Variants in EPHA4 observed in about 807,000 individuals in gnomAD.
EPHA4 encodes the protein ephrin type-A receptor 4.
Under a neutral mutation model 108.3 loss-of-function variants are expected in EPHA4, and 19 were observed. The ratio of observed to expected loss-of-function variants is 0.18; its 90% CI spans 0.12 to 0.26. EPHA4 has a LOEUF of 0.26. Ranked by LOEUF, EPHA4 falls within the 10% of genes least tolerant of loss-of-function variation. The probability of loss-of-function intolerance (pLI) is 1.00; values close to 1 mark genes in which losing one functional copy is unlikely to be tolerated. For missense variants in EPHA4, 917 were observed against 1,254.0 expected (o/e 0.73, Z 4.06); for synonymous variants, 449 against 455.5 (o/e 0.99, Z 0.18).
rs573258397 is a variant in EPHA4, at chr2:221,448,119, G to A, written c.1716-1938C>T. On this transcript the variant is annotated intron_variant, in intron 8 of 17. Coordinates refer to ENST00000281821, the MANE Select transcript of EPHA4 (RefSeq NM_004438.5). The stretch of plus-strand genomic sequence containing the variant: ...GGCCTCCCAAAGTGCTGGGATTATA[G>A]GCATGAACCACCGCACCCAGCCAGA... Among the ~76,000 whole-genome samples the A allele has an allele frequency of 5.9e-5, 9 of 152,166 alleles. No individual in the cohort carries two copies. In the South Asian group the frequency reaches 1.9e-3, roughly 32 times the overall value.
In EPHA4 at chr2:221,420,072, G is replaced by A. The variant is rs1689707453; in HGVS notation, c.*1300C>T. The A allele has an allele frequency of 6.6e-6, 1 of 152,562 alleles. No individual in the cohort carries two copies. 9.5% of individuals were successfully genotyped at this position (152,562 alleles called of 1,614,324 possible). A position where few individuals can be genotyped will look rare whatever the true frequency, so the allele number is the denominator to read the frequency against. On this transcript the variant is annotated 3_prime_UTR_variant, in exon 18 of 18. Transcript: ENST00000281821. ...TGCAATGGCACACCCTGGGTAAAAT[G>A]TTACTTCCGCAATGCATATCATAGG...
intron 4 of EPHA4, among the ~76,000 whole-genome samples, chr2:221,495,498 T>C (rs559081622): frequency 2.0e-5 from 3 of 152,322 alleles, no homozygotes; most frequent in Admixed American, 1.3e-4. Context: ...TTTTTGTGCA[T>C]GTGGATGTTT....
chr2:221,512,315 A>G (rs994885757), intron 3 of EPHA4, among the ~76,000 whole-genome samples: 1 of 152,218 alleles, frequency 6.6e-6, no homozygotes, highest in Non-Finnish European at 1.5e-5. Context: ...CATATTTTGT[A>G]AGAAAACCCC....
At chr2:221,426,347 T>C in intron 16 of EPHA4, 117 bp downstream of exon 16, 1 of 1,259,860 alleles carries the variant, frequency 7.9e-7, no homozygotes, top group Non-Finnish European at 1.1e-6. Context: ...TCAATCAAAA[T>C]GAGAGGCATT....
At chr2:221,436,704 T>G in intron 12 of EPHA4, 96 bp from the exon 13 acceptor site, 1 of 1,241,466 alleles carries the variant, frequency 8.1e-7, no homozygotes, top group East Asian at 2.4e-5. Context: ...GGTATCTGTA[T>G]CCGGTATGCA....
At chr2:221,533,869 G>A (rs1057324892) in intron 3 of EPHA4, among the ~76,000 whole-genome samples, 2 of 151,960 alleles carry the variant, frequency 1.3e-5, no homozygotes, top group African/African-American at 4.8e-5. Context: ...CCATTGACAG[G>A]CAGACTCTTT....
chr2:221,521,912 C>T (rs530436172), intron 3 of EPHA4, among the ~76,000 whole-genome samples: 37 of 152,110 alleles, frequency 2.4e-4, no homozygotes, highest in South Asian at 1.5e-3. Flanking sequence ...AGGTGGCAGA[C>T]GTTGCAGTGA....
intron 3 of EPHA4, among the ~76,000 whole-genome samples, chr2:221,527,390 A>G (rs1382533072): frequency 6.6e-6 from 1 of 152,208 alleles, no homozygotes; most frequent in Non-Finnish European, 1.5e-5. Flanking sequence ...AGAAAACTAA[A>G]GAGGTAGCTG....
At chr2:221,429,791 G>A (rs1690017099) in intron 15 of EPHA4, among the ~76,000 whole-genome samples, 167 bp downstream of exon 15, 1 of 152,064 alleles carries the variant, frequency 6.6e-6, no homozygotes, top group African/African-American at 2.4e-5. Flanking sequence ...TCAAAATGCT[G>A]AATAGAACTA....
chr2:221,447,910 C>T (rs1445716633), intron 8 of EPHA4, among the ~76,000 whole-genome samples: 1 of 151,742 alleles, frequency 6.6e-6, no homozygotes, highest in South Asian at 2.1e-4. Flanking sequence ...GCTATGATCT[C>T]AGCTCACTGC....
intron 3 of EPHA4, among the ~76,000 whole-genome samples, chr2:221,508,265 G>C (rs1229045768): frequency 6.6e-6 from 1 of 152,204 alleles, no homozygotes; most frequent in East Asian, 1.9e-4. Context: ...TTGGAGTGGG[G>C]AGAGGGCATG....
intron 8 of EPHA4, among the ~76,000 whole-genome samples, chr2:221,449,924 C>T (rs1212015448): frequency 6.6e-6 from 1 of 152,222 alleles, no homozygotes; most frequent in Non-Finnish European, 1.5e-5. Flanking sequence ...ACGGCATCAC[C>T]CATGAAGATT....
intron 8 of EPHA4, among the ~76,000 whole-genome samples, chr2:221,451,738 C>T (rs183719050): frequency 6.6e-6 from 1 of 152,208 alleles, no homozygotes; most frequent in East Asian, 1.9e-4. Context: ...AATTAAGTTG[C>T]TTAACATAAA....
At chr2:221,535,711 A>G (rs1446692661) in intron 3 of EPHA4, among the ~76,000 whole-genome samples, 1 of 152,156 alleles carries the variant, frequency 6.6e-6, no homozygotes, top group Non-Finnish European at 1.5e-5. Context: ...TTCTTCTTCT[A>G]TGCCTAAAGT....
At chr2:221,538,962 GC>G (rs1693753161) in intron 3 of EPHA4, among the ~76,000 whole-genome samples, 1 of 152,180 alleles carries the variant, frequency 6.6e-6, no homozygotes, top group South Asian at 2.1e-4. Flanking sequence ...TACAGACTTA[GC>G]CTGGGAAGTG....
chr2:221,549,478 GA>G, intron 3 of EPHA4, among the ~76,000 whole-genome samples: 1 of 152,142 alleles, frequency 6.6e-6, no homozygotes, highest in Non-Finnish European at 1.5e-5. Flanking sequence ...CAATAAAAAG[GA>G]GAGTAAAGCA....
chr2:221,447,406 G>A (rs1462142666), intron 8 of EPHA4, among the ~76,000 whole-genome samples: 1 of 152,168 alleles, frequency 6.6e-6, no homozygotes, highest in Non-Finnish European at 1.5e-5. Context: ...TGAACAGGTA[G>A]AAAGGCAGAT....
rs924334253 is a variant in EPHA4 at position 221,425,401 on chromosome 2, A to G, written c.*627T>C. The G allele has an allele frequency of 1.3e-5, 2 of 152,710 alleles. No individual in the cohort carries two copies. Among genetic ancestry groups the G allele is most frequent in the African/African-American group, 4.8e-5 (2 of 41,422 alleles). 9.5% of individuals were successfully genotyped at this position (152,710 alleles called of 1,614,324 possible). ...AGTTAGGGGTTATGGGGCTTGGGTT[A>G]CGTATATATATATTTTAAATCCACT... On this transcript the variant is annotated 3_prime_UTR_variant, in exon 17 of 18. Coordinates refer to ENST00000281821, the MANE Select transcript of EPHA4 (RefSeq NM_004438.5).
chr2:221,492,993 C>T (rs1051238557), intron 4 of EPHA4, among the ~76,000 whole-genome samples: 2 of 152,090 alleles, frequency 1.3e-5, no homozygotes, highest in African/African-American at 2.4e-5. Flanking sequence ...AATATGTTCA[C>T]GAAAATGATT....
Sources: gnomAD v4.1 joint callset for allele counts (sites outside exome capture counted in the v4.1 genomes callset) on GRCh38, gnomAD v4.1.1 for gene constraint, MANE v1.5 for transcripts, NCBI Gene and HGNC (gene_info 2026-07-23, HGNC 2026-07-21) for gene names.